The following NRXN1 variants were observed in gnomAD, a reference collection of about 807,000 sequenced individuals.
NRXN1 encodes the protein neurexin-1.
Under a neutral mutation model 150.9 loss-of-function variants are expected in NRXN1, and 39 were observed. The observed-to-expected ratio is 0.26, with a 90% CI of 0.20 to 0.34. The LOEUF (loss-of-function observed/expected upper bound fraction) is 0.34. NRXN1 is among the 10% of genes least tolerant of loss of function. The pLI is 1.00. For synonymous variants in NRXN1, 924 were observed against 757.0 expected, an observed-to-expected ratio of 1.22 and a Z score of -3.62; for missense variants, 1,815 against 1,949.9, an observed-to-expected ratio of 0.93 and a Z score of 1.30.
chr2:50,820,934 C>T (rs1169590079), intron 5 of NRXN1, among the ~76,000 whole-genome samples: 1 of 152,130 alleles, frequency 6.6e-6, no homozygotes, highest in Non-Finnish European at 1.5e-5. Context: ...AATCTTGAAA[C>T]AGATATGTGG....
chr2:50,660,044 C>T (rs1349904434), intron 5 of NRXN1, among the ~76,000 whole-genome samples: 2 of 151,926 alleles, frequency 1.3e-5, no homozygotes, highest in African/African-American at 4.8e-5. Flanking sequence ...GCTTGGTGTT[C>T]AGGGGGCACT....
At chr2:50,634,989 C>A (rs1375248067) in intron 5 of NRXN1, among the ~76,000 whole-genome samples, 4 of 152,106 alleles carry the variant, frequency 2.6e-5, no homozygotes, top group Admixed American at 6.5e-5. Context: ...CAGCTCTAAC[C>A]TTCACACAAC....
chr2:50,575,299 A>T (rs933872547), intron 8 of NRXN1, among the ~76,000 whole-genome samples: 1 of 152,172 alleles, frequency 6.6e-6, no homozygotes, highest in Non-Finnish European at 1.5e-5. Flanking sequence ...GTTTGTGTGC[A>T]TTGCTGTGCA....
At chr2:50,187,689 G>C (rs906115955) in intron 18 of NRXN1, among the ~76,000 whole-genome samples, 2 of 152,038 alleles carry the variant, frequency 1.3e-5, no homozygotes, top group African/African-American at 2.4e-5. Flanking sequence ...TGGGCAGTAT[G>C]GCCATTTTCG....
In NRXN1 at chr2:49,994,942, C is replaced by T. The variant is rs576210210; in HGVS notation, c.4129-51151G>A. ...CACCAGTGCCTCACATCCAATGCTG[C>T]GAGAGAATGAAATATTGACAATTTA... On this transcript the variant is annotated intron_variant, in intron 21 of 22. Transcript: ENST00000401669. Among the ~76,000 whole-genome samples the T allele has an allele frequency of 1.1e-3, 162 of 152,224 alleles. 2 individuals are homozygous for T. In the South Asian group the frequency reaches 0.013, roughly 13 times the overall value.
chr2:50,759,308 G>T (rs754381420), intron 5 of NRXN1, among the ~76,000 whole-genome samples: 2 of 151,830 alleles, frequency 1.3e-5, no homozygotes, highest in African/African-American at 2.4e-5. Context: ...ACTCAGAAAT[G>T]GGACTGATGG....
At chr2:50,020,003 C>T (rs1687320727) in intron 21 of NRXN1, among the ~76,000 whole-genome samples, 2 of 143,626 alleles carry the variant, frequency 1.4e-5, no homozygotes, top group Middle Eastern at 7.7e-3. Context: ...GGAGCTACGT[C>T]CTCATTAACT....
chr2:50,222,943 T>C (rs2064017547), intron 18 of NRXN1, among the ~76,000 whole-genome samples: 3 of 151,930 alleles, frequency 2.0e-5, no homozygotes, highest in South Asian at 4.1e-4. Flanking sequence ...TACTTTTTAC[T>C]CCCATCATTG....
rs201448473 is a variant in NRXN1, at chr2:50,384,523, A to T, written c.3364+80919T>A. Among the ~76,000 whole-genome samples, 12 of 141,938 alleles carry T rather than the reference A, an allele frequency of 8.5e-5. No homozygotes were observed. The South Asian group carries it at 1.5e-3, about 18-fold the overall frequency. 93.1% of individuals were successfully genotyped at this position (141,938 alleles called of 152,430 possible). A position where few individuals can be genotyped will look rare whatever the true frequency, so the allele number is the denominator to read the frequency against. ...TCCATCTCAAAAAAAAAAAAAAAAAAAAAAAAAAAAAATGCATCCTCTACA... is the reference window on the plus strand; with the variant it reads ...TCCATCTCAAAAAAAAAAAAAAAAATAAAAAAAAAAAATGCATCCTCTACA... On this transcript the variant is annotated intron_variant, in intron 17 of 22. Coordinates refer to ENST00000401669, the MANE Select transcript of NRXN1 (RefSeq NM_001330078.2).
chr2:50,332,923 A>C (rs1161467315), intron 17 of NRXN1, among the ~76,000 whole-genome samples: 2 of 152,238 alleles, frequency 1.3e-5, no homozygotes, highest in African/African-American at 4.8e-5. Context: ...ATAAGCAACA[A>C]AAAAATTAAA....
At chr2:50,593,523 GATGAAGA>G (rs1352117269) in intron 8 of NRXN1, among the ~76,000 whole-genome samples, 5 of 152,282 alleles carry the variant, frequency 3.3e-5, no homozygotes, top group African/African-American at 1.2e-4. Flanking sequence ...AGAAGATTTA[GATGAAGA>G]AAAGGAAAAC....
At chr2:50,604,350 A>G (rs879553016) in intron 8 of NRXN1, among the ~76,000 whole-genome samples, 3 of 152,220 alleles carry the variant, frequency 2.0e-5, no homozygotes, top group Non-Finnish European at 2.9e-5. Context: ...AAGCTCTCAG[A>G]TGATGCTTAT....
At chr2:50,786,638 A>C (rs1705157659) in intron 5 of NRXN1, among the ~76,000 whole-genome samples, 2 of 152,144 alleles carry the variant, frequency 1.3e-5, no homozygotes, top group South Asian at 4.1e-4. Flanking sequence ...GGATAGTTTC[A>C]ATTTTGATCC....
chr2:50,347,691 G>A lies in NRXN1; in HGVS notation c.3365-110721C>T, dbSNP rs766561482. ...GGAATCGAACGGCGGAAAGGCAGCT[G>A]AGAAGAAGATGCAGACGAAGGAGTA... On this transcript the variant is annotated intron_variant, in intron 17 of 22. Transcript: ENST00000401669. The surrounding 1 kb of genome is among the most constrained non-coding windows in gnomAD (Gnocchi z 4.9). The A allele has an allele frequency of 3.1e-5, 31 of 987,218 alleles. No individual in the cohort carries two copies. Among genetic ancestry groups the A allele is most frequent in the Non-Finnish European group, 3.7e-5 (31 of 831,086 alleles). The allele number at this position is 987,218 out of a possible 1,614,324, so 61.2% of individuals were successfully genotyped here.
chr2:50,989,783 G>A (rs1422886658), intron 2 of NRXN1, among the ~76,000 whole-genome samples: 2 of 151,964 alleles, frequency 1.3e-5, no homozygotes, highest in Non-Finnish European at 2.9e-5. Context: ...TTGATTTCTG[G>A]TATGGATGTA....
At chr2:50,078,508 A>G (rs187093908) in intron 19 of NRXN1, among the ~76,000 whole-genome samples, 121 of 152,212 alleles carry the variant, frequency 7.9e-4, no homozygotes, top group Non-Finnish European at 1.3e-3. Context: ...TGACTAAAGT[A>G]TACACTTTAT....
At chr2:50,988,002 A>G (rs141416039) in intron 2 of NRXN1, among the ~76,000 whole-genome samples, 57 of 152,160 alleles carry the variant, frequency 3.7e-4, no homozygotes, top group Admixed American at 5.2e-4. Flanking sequence ...CAGAAAATCC[A>G]TAAGTCTAAA....
intron 17 of NRXN1, among the ~76,000 whole-genome samples, chr2:50,345,680 G>A (rs1353645241): frequency 1.3e-5 from 2 of 152,198 alleles, no homozygotes; most frequent in East Asian, 3.9e-4. Flanking sequence ...TGGCCTCACA[G>A]TGCTGGTCAC....
chr2:50,624,185 CAT>C (rs1179293819), intron 5 of NRXN1, among the ~76,000 whole-genome samples: 1 of 152,122 alleles, frequency 6.6e-6, no homozygotes, highest in Non-Finnish European at 1.5e-5. Flanking sequence ...AAATGTGGCA[CAT>C]ATACACCATG....
Sources: gnomAD v4.1 joint callset for allele counts (sites outside exome capture counted in the v4.1 genomes callset) on GRCh38, gnomAD v4.1.1 for gene constraint, Gnocchi (gnomAD v3.1) non-coding constraint, MANE v1.5 for transcripts, NCBI Gene and HGNC (gene_info 2026-07-23, HGNC 2026-07-21) for gene names.